Variants in FGF12 observed in about 807,000 individuals in gnomAD.
The protein encoded by FGF12 is fibroblast growth factor 12B.
A neutral mutation model predicts 23.6 loss-of-function variants in FGF12; 14 were observed. The ratio of observed to expected loss-of-function variants is 0.59; its 90% CI spans 0.39 to 0.93. The LOEUF (loss-of-function observed/expected upper bound fraction) is 0.93, where lower values mean the gene tolerates loss of function less well. Among genes scored for constraint, FGF12 ranks in the 40% least tolerant of loss-of-function variants. FGF12 has a pLI of 0.00. For missense variants in FGF12, 175 were observed against 217.8 expected (o/e 0.80, Z 1.24); for synonymous variants, 62 against 77.3 (o/e 0.80, Z 1.04).
chr3:192,198,067 CT>C (rs1717170266), intron 4 of FGF12, among the ~76,000 whole-genome samples: 1 of 149,490 alleles, frequency 6.7e-6, no homozygotes, highest in Admixed American at 6.7e-5. Flanking sequence ...CAACAAACTT[CT>C]TAACTTTATA....
intron 2 of FGF12, among the ~76,000 whole-genome samples, chr3:192,608,002 C>T (rs562985351): frequency 6.6e-6 from 1 of 152,186 alleles, no homozygotes; most frequent in African/African-American, 2.4e-5. Context: ...GATGAGAAAA[C>T]TGGATCATTG....
intron 2 of FGF12, among the ~76,000 whole-genome samples, chr3:192,464,730 G>C (rs1722961666): frequency 2.0e-5 from 3 of 152,132 alleles, no homozygotes; most frequent in Non-Finnish European, 2.9e-5. Context: ...TTTGGGAGAA[G>C]GGGCTCTGCT....
intron 2 of FGF12, among the ~76,000 whole-genome samples, chr3:192,467,194 A>G (rs1292675836): frequency 1.3e-5 from 2 of 152,124 alleles, no homozygotes; most frequent in Non-Finnish European, 2.9e-5. Context: ...CTATCATCAT[A>G]TATGTCGGAA....
chr3:192,597,746 A>T (rs1055145909), intron 2 of FGF12, among the ~76,000 whole-genome samples: 4 of 152,238 alleles, frequency 2.6e-5, no homozygotes, highest in Non-Finnish European at 5.9e-5. Context: ...CAGACTTGCC[A>T]GTTACGTGGA....
chr3:192,275,256 A>T (rs1169761931), intron 4 of FGF12, among the ~76,000 whole-genome samples: 2 of 150,814 alleles, frequency 1.3e-5, no homozygotes, highest in African/African-American at 4.8e-5. Flanking sequence ...TTGACCTTTT[A>T]AGCAATCAGG....
intron 4 of FGF12, among the ~76,000 whole-genome samples, chr3:192,307,716 A>G (rs1488958397): frequency 6.6e-6 from 1 of 152,220 alleles, no homozygotes; most frequent in Non-Finnish European, 1.5e-5. Flanking sequence ...GGTCAAATAA[A>G]TAACAGTGCT....
At chr3:192,411,365 T>G (rs925337136) in intron 2 of FGF12, among the ~76,000 whole-genome samples, 5 of 152,114 alleles carry the variant, frequency 3.3e-5, no homozygotes, top group Non-Finnish European at 7.3e-5. Flanking sequence ...AGGCAAGACA[T>G]CCTGAGGAAA....
chr3:192,328,727 C>T (rs954548113), intron 4 of FGF12, among the ~76,000 whole-genome samples: 5 of 152,110 alleles, frequency 3.3e-5, no homozygotes, highest in African/African-American at 1.2e-4. Flanking sequence ...GAGGACTATG[C>T]CCTCTAACTT....
chr3:192,335,884 G>T (rs1328600240), intron 3 of FGF12, among the ~76,000 whole-genome samples: 2 of 151,988 alleles, frequency 1.3e-5, no homozygotes, highest in Non-Finnish European at 2.9e-5. Context: ...TTTAAAACAG[G>T]CCAAAGCTTC....
intron 4 of FGF12, among the ~76,000 whole-genome samples, chr3:192,234,968 T>C (rs1560203128): frequency 6.6e-6 from 1 of 152,154 alleles, no homozygotes; most frequent in Admixed American, 6.6e-5. Flanking sequence ...GATTTTTATA[T>C]CTATGTTCAT....
At chr3:192,189,201 A>G (rs992376177) in intron 4 of FGF12, among the ~76,000 whole-genome samples, 1 of 152,082 alleles carries the variant, frequency 6.6e-6, no homozygotes, top group African/African-American at 2.4e-5. Context: ...ATTTCCTTTG[A>G]TTTATTTATT....
chr3:192,390,303 T>C (rs368952832), intron 2 of FGF12, among the ~76,000 whole-genome samples: 10 of 152,144 alleles, frequency 6.6e-5, no homozygotes, highest in African/African-American at 2.2e-4. Context: ...ACTCAGAGTG[T>C]GGGGGCTGTG....
At chr3:192,558,608 A>AAAC (rs746705886) in intron 2 of FGF12, among the ~76,000 whole-genome samples, 5,622 of 151,608 alleles carry the variant, frequency 0.037, 136 homozygotes, top group Non-Finnish European at 0.056. Flanking sequence ...ACCAAAAAAT[A>AAAC]AACAACAACA....
At chr3:192,628,089 C>T (rs1715241777) in intron 2 of FGF12, among the ~76,000 whole-genome samples, 2 of 152,044 alleles carry the variant, frequency 1.3e-5, no homozygotes, top group Non-Finnish European at 2.9e-5. Context: ...ATTACATGAA[C>T]GTGATTATAC....
At chr3:192,461,383 G>A (rs7626113) in intron 2 of FGF12, among the ~76,000 whole-genome samples, 19,057 of 152,056 alleles carry the variant, frequency 0.13, 3,881 homozygotes, top group African/African-American at 0.43. Flanking sequence ...ATCAAAAATG[G>A]TGAGCACTAT....
intron 2 of FGF12, among the ~76,000 whole-genome samples, chr3:192,609,898 G>A (rs952839575): frequency 6.6e-6 from 1 of 152,058 alleles, no homozygotes; most frequent in Non-Finnish European, 1.5e-5. Flanking sequence ...GACCATGTCA[G>A]CTAAAATATA....
intron 2 of FGF12, among the ~76,000 whole-genome samples, chr3:192,589,852 A>T (rs1299657720): frequency 6.6e-6 from 1 of 151,992 alleles, no homozygotes. Flanking sequence ...AGAGAAAATG[A>T]CAATTTTTAG....
chr3:192,680,142 C>T (rs138855759), intron 2 of FGF12, among the ~76,000 whole-genome samples: 10 of 152,146 alleles, frequency 6.6e-5, no homozygotes, highest in South Asian at 2.1e-4. Flanking sequence ...AAACAGATAC[C>T]GTAGGGAGTC....
At chr3:192,519,821 G>A (rs1466965091) in intron 2 of FGF12, among the ~76,000 whole-genome samples, 1 of 152,112 alleles carries the variant, frequency 6.6e-6, no homozygotes, top group Non-Finnish European at 1.5e-5. Context: ...TTTATTCTAA[G>A]GATTATAATC....
Sources: gnomAD v4.1 joint callset for allele counts (sites outside exome capture counted in the v4.1 genomes callset) on GRCh38, gnomAD v4.1.1 for gene constraint, MANE v1.5 for transcripts, NCBI Gene and HGNC (gene_info 2026-07-23, HGNC 2026-07-21) for gene names.